Variants in CMTM4 observed in about 807,000 individuals in gnomAD.
The protein encoded by CMTM4 is CKLF like MARVEL transmembrane domain containing 4.
In CMTM4, 8 loss-of-function variants were observed where a neutral mutation model predicts 19.0. That is an observed-to-expected ratio of 0.42 (90% confidence interval 0.25 to 0.76). The LOEUF is 0.76. Ranked by LOEUF, CMTM4 falls within the 30% of genes least tolerant of loss-of-function variation. The pLI, the probability that CMTM4 is intolerant of heterozygous loss-of-function variation, is 0.27. For synonymous variants in CMTM4, 106 were observed against 121.1 expected, an observed-to-expected ratio of 0.88 and a Z score of 0.82; for missense variants, 228 against 290.2, an observed-to-expected ratio of 0.79 and a Z score of 1.56.
chr16:66,682,542 T>C (rs538498319), intron 1 of CMTM4, among the ~76,000 whole-genome samples: 5 of 152,332 alleles, frequency 3.3e-5, no homozygotes, highest in Admixed American at 1.3e-4. Flanking sequence ...CCACACTTGA[T>C]TAAACTTTGA....
Position 66,619,988 on chromosome 16 carries a change from T to A in CMTM4, c.*2070A>T. On this transcript the variant is annotated 3_prime_UTR_variant, in exon 4 of 4. Transcript: ENST00000394106. ...ACATATCCTCAGGAGGCCAACCACC[T>A]GCCCCCCTCTTTCACCAGATGATCA... 1 of 985,426 alleles carries A rather than the reference T, an allele frequency of 1.0e-6. No individual in the cohort carries two copies. Among genetic ancestry groups the A allele is most frequent in the Non-Finnish European group, 1.2e-6 (1 of 829,936 alleles). The allele number at this position is 985,426 out of a possible 1,614,324, so 61.0% of individuals were successfully genotyped here.
chr16:66,602,575 G>A, the CMTM4 span, among the ~76,000 whole-genome samples: 2 of 151,420 alleles, frequency 1.3e-5, no homozygotes, highest in Non-Finnish European at 2.9e-5. Context: ...TCACTCTGCC[G>A]CCCAGGCTGG....
At chr16:66,614,450 TC>T (rs1596893232), downstream of CMTM4, among the ~76,000 whole-genome samples, 1 of 152,130 alleles carries the variant, frequency 6.6e-6, no homozygotes, top group African/African-American at 2.4e-5. The surrounding 1 kb of genome is among the most constrained non-coding windows in gnomAD (Gnocchi z 4.9). Context: ...AGGACCCGGG[TC>T]CGCATTCTTA....
intron 1 of CMTM4, among the ~76,000 whole-genome samples, chr16:66,693,003 C>T (rs2017164465): frequency 1.3e-5 from 2 of 151,922 alleles, no homozygotes; most frequent in African/African-American, 4.8e-5. Flanking sequence ...GCGGGTGGAT[C>T]ACCTAACGTC....
In CMTM4 at chr16:66,622,290, C is replaced by T. The variant is rs528218151; in HGVS notation, c.463-68G>A. 24 of 1,551,940 alleles carry T rather than the reference C, an allele frequency of 1.5e-5. No individual in the cohort carries two copies. Among genetic ancestry groups the T allele is most frequent in the Non-Finnish European group, 2.1e-5 (24 of 1,141,520 alleles). ...GGCCCCTCAAGGCTTCTGTGGTGACCCAAGCCACATGCAGCCCCTTCCTGC... is the reference window on the plus strand; with the variant it reads ...GGCCCCTCAAGGCTTCTGTGGTGACTCAAGCCACATGCAGCCCCTTCCTGC... On this transcript the variant is annotated intron_variant, in intron 3 of 3. Transcript: ENST00000394106. The surrounding 1 kb of genome is among the most constrained non-coding windows in gnomAD (Gnocchi z 4.0).
At chr16:66,669,775 A>G (rs1206799557) in intron 1 of CMTM4, among the ~76,000 whole-genome samples, 1 of 151,924 alleles carries the variant, frequency 6.6e-6, no homozygotes, top group Non-Finnish European at 1.5e-5. Flanking sequence ...CGATCTCCTG[A>G]CCTTGTGATC....
downstream of CMTM4, among the ~76,000 whole-genome samples, chr16:66,612,278 C>T (rs529572029): frequency 4.6e-5 from 7 of 152,058 alleles, no homozygotes; most frequent in African/African-American, 1.7e-4. This position sits in a 1 kb window ranked among gnomAD's most constrained non-coding sequence, Gnocchi z 6.0. Flanking sequence ...TGGTGGCACA[C>T]GCTTATAATC....
At chr16:66,630,826 C>T (rs1237875368) in intron 2 of CMTM4, among the ~76,000 whole-genome samples, 1 of 150,986 alleles carries the variant, frequency 6.6e-6, no homozygotes, top group South Asian at 2.1e-4. Context: ...CATCTCTGCC[C>T]GGCCGCCATC....
chr16:66,631,620 T>TATG (rs2015873226), intron 2 of CMTM4, among the ~76,000 whole-genome samples: 1 of 152,208 alleles, frequency 6.6e-6, no homozygotes, highest in Admixed American at 6.5e-5. Flanking sequence ...CCTGTTGATC[T>TATG]ATGACCTTAC....
intron 1 of CMTM4, among the ~76,000 whole-genome samples, chr16:66,665,167 C>T (rs188387507): frequency 3.4e-5 from 5 of 148,696 alleles, no homozygotes; most frequent in East Asian, 2.0e-4. Flanking sequence ...AGGCTGGTCT[C>T]GAACTCCTGA....
At position 66,619,964 on chromosome 16, in the gene CMTM4, C is replaced by T. The variant is rs910189575; in HGVS notation, c.*2094G>A. The T allele has an allele frequency of 1.0e-5, 10 of 985,314 alleles. No individual in the cohort carries two copies. Among genetic ancestry groups the T allele is most frequent in the Middle Eastern group, 5.2e-4 (1 of 1,936 alleles). The allele number at this position is 985,314 out of a possible 1,614,324, so 61.0% of individuals were successfully genotyped here. A position where few individuals can be genotyped will look rare whatever the true frequency, so the allele number is the denominator to read the frequency against. On this transcript the variant is annotated 3_prime_UTR_variant, in exon 4 of 4. Transcript: ENST00000394106. ...CAGAACTATTTCTTGCAGCTGACAACATATCCTCAGGAGGCCAACCACCTG... is the reference window on the plus strand; with the variant it reads ...CAGAACTATTTCTTGCAGCTGACAATATATCCTCAGGAGGCCAACCACCTG...
intron 1 of CMTM4, among the ~76,000 whole-genome samples, chr16:66,670,223 G>A (rs370455507): frequency 6.6e-6 from 1 of 151,496 alleles, no homozygotes; most frequent in African/African-American, 2.4e-5. Context: ...AAGGCGGGCA[G>A]ATCACCTGAG....
At chr16:66,625,144 A>G (rs921958535) in intron 2 of CMTM4, among the ~76,000 whole-genome samples, 1 of 152,210 alleles carries the variant, frequency 6.6e-6, no homozygotes, top group Non-Finnish European at 1.5e-5. Context: ...AAGGGCTAGA[A>G]AACAAACAGG....
the CMTM4 span, chr16:66,605,161 C>A: frequency 2.2e-6 from 1 of 452,144 alleles, no homozygotes; most frequent in Non-Finnish European, 3.8e-6. This position sits in a 1 kb window ranked among gnomAD's most constrained non-coding sequence, Gnocchi z 4.6. Flanking sequence ...GAGCCCAGGC[C>A]ATCCGCGGCG....
chr16:66,620,781 C>T lies in CMTM4; in HGVS notation c.*1277G>A, dbSNP rs2015616821. On this transcript the variant is annotated 3_prime_UTR_variant, in exon 4 of 4. Transcript: ENST00000394106. ...TAAAAACAGTTCAAAGAGGGAAAACCTGACAAACTAAAACAACTTTTTTCC... is the reference window on the plus strand; with the variant it reads ...TAAAAACAGTTCAAAGAGGGAAAACTTGACAAACTAAAACAACTTTTTTCC... The T allele has an allele frequency of 1.0e-6, 1 of 985,620 alleles. No homozygotes were observed. The highest frequency in any genetic ancestry group is 6.1e-5 in the Admixed American group (1 of 16,262). 61.1% of individuals were successfully genotyped at this position (985,620 alleles called of 1,614,324 possible). A position where few individuals can be genotyped will look rare whatever the true frequency, so the allele number is the denominator to read the frequency against.
At chr16:66,683,143 A>ACACG (rs1555502462) in intron 1 of CMTM4, among the ~76,000 whole-genome samples, 1 of 131,424 alleles carries the variant, frequency 7.6e-6, no homozygotes, top group African/African-American at 2.8e-5. Flanking sequence ...ATATATATAT[A>ACACG]TATGTATATA....
At chr16:66,684,180 T>C (rs977834839) in intron 1 of CMTM4, among the ~76,000 whole-genome samples, 1 of 152,068 alleles carries the variant, frequency 6.6e-6, no homozygotes, top group Non-Finnish European at 1.5e-5. Flanking sequence ...GGCCCTCTTT[T>C]TTTCGTTTTT....
At chr16:66,675,623 G>A (rs2016797081) in intron 1 of CMTM4, among the ~76,000 whole-genome samples, 1 of 151,876 alleles carries the variant, frequency 6.6e-6, no homozygotes, top group Non-Finnish European at 1.5e-5. Flanking sequence ...CAGTCCCTAG[G>A]CCCCCAACCC....
At position 66,615,652 on chromosome 16, in the gene CMTM4, GC is replaced by G. The variant is rs1256855565; in HGVS notation, c.*6405del. The G allele has an allele frequency of 6.6e-6, 1 of 152,302 alleles. No individual in the cohort carries two copies. The highest frequency in any genetic ancestry group is 2.4e-5 in the African/African-American group (1 of 41,474). The allele number at this position is 152,302 out of a possible 1,614,324, so 9.4% of individuals were successfully genotyped here. A position where few individuals can be genotyped will look rare whatever the true frequency, so the allele number is the denominator to read the frequency against. ...CTTCCCACTCTGCAGTGGCAGGAAGGCCATGCCTCTGCAGGACGCTCGCACT... is the reference window on the plus strand; with the variant it reads ...CTTCCCACTCTGCAGTGGCAGGAAGGCATGCCTCTGCAGGACGCTCGCACT... On this transcript the variant is annotated 3_prime_UTR_variant, in exon 4 of 4. Transcript: ENST00000394106. This position sits in a 1 kb window ranked among gnomAD's most constrained non-coding sequence, Gnocchi z 4.9.
Sources: gnomAD v4.1 joint callset for allele counts (sites outside exome capture counted in the v4.1 genomes callset) on GRCh38, gnomAD v4.1.1 for gene constraint, Gnocchi (gnomAD v3.1) non-coding constraint, MANE v1.5 for transcripts, NCBI Gene and HGNC (gene_info 2026-07-23, HGNC 2026-07-21) for gene names.